Variants in VMP1 observed in about 807,000 individuals in gnomAD.
VMP1 encodes the protein vacuole membrane protein 1.
A neutral mutation model predicts 56.0 loss-of-function variants in VMP1; 11 were observed. The ratio of observed to expected loss-of-function variants is 0.20; its 90% CI spans 0.12 to 0.32. The LOEUF (loss-of-function observed/expected upper bound fraction) is 0.32. VMP1 is among the 10% of genes least tolerant of loss of function. VMP1 has a pLI of 1.00. For synonymous variants in VMP1, 149 were observed against 165.0 expected (o/e 0.90, Z 0.74); for missense variants, 296 against 490.3 (o/e 0.60, Z 3.74).
At chr17:59,762,725 T>G (rs538581198) in intron 5 of VMP1, among the ~76,000 whole-genome samples, 5 of 152,122 alleles carry the variant, frequency 3.3e-5, no homozygotes, top group Admixed American at 3.3e-4. Context: ...TTTAGTTGAG[T>G]GAATGAACAG....
At chr17:59,722,823 G>A (rs561431965) in intron 1 of VMP1, among the ~76,000 whole-genome samples, 2 of 152,314 alleles carry the variant, frequency 1.3e-5, no homozygotes, top group South Asian at 4.1e-4. Context: ...GGAGGTTGCA[G>A]TGAGCTGTGA....
chr17:59,840,545 A>AT lies in VMP1; in HGVS notation c.*635dup, dbSNP rs1264859378. On this transcript the variant is annotated 3_prime_UTR_variant, in exon 12 of 12. Coordinates refer to ENST00000262291, the MANE Select transcript of VMP1 (RefSeq NM_030938.5). ...CCATTTTTTATTCTGTGTATTTAGAATGAAGTCTTGAAAAAAACTTTATAA... is the reference window on the plus strand; with the variant it reads ...CCATTTTTTATTCTGTGTATTTAGAATTGAAGTCTTGAAAAAAACTTTATAA... 1 of 152,622 alleles carries AT rather than the reference A, an allele frequency of 6.6e-6. No individual in the cohort carries two copies. The highest frequency in any genetic ancestry group is 2.4e-5 in the African/African-American group (1 of 41,438). The allele number at this position is 152,622 out of a possible 1,614,324, so 9.5% of individuals were successfully genotyped here. A position where few individuals can be genotyped will look rare whatever the true frequency, so the allele number is the denominator to read the frequency against.
chr17:59,784,140 T>TGA (rs548784981), intron 7 of VMP1, among the ~76,000 whole-genome samples: 6,144 of 133,886 alleles, frequency 0.046, 138 homozygotes, highest in South Asian at 0.06. Flanking sequence ...TGTGTGTGTG[T>TGA]GTGAGAGAGA....
At chr17:59,837,001 A>G (rs928215791) in intron 10 of VMP1, among the ~76,000 whole-genome samples, 1 of 152,004 alleles carries the variant, frequency 6.6e-6, no homozygotes, top group African/African-American at 2.4e-5. Context: ...GGAGTTCAAG[A>G]CCAGCCTGGC....
chr17:59,716,493 G>C (rs2034156892), intron 1 of VMP1, among the ~76,000 whole-genome samples: 1 of 152,124 alleles, frequency 6.6e-6, no homozygotes, highest in Non-Finnish European at 1.5e-5. Flanking sequence ...ATTCCTCAGT[G>C]ACCACTGAAA....
intron 9 of VMP1, among the ~76,000 whole-genome samples, chr17:59,814,597 T>C (rs1279316566): frequency 6.6e-6 from 1 of 152,194 alleles, no homozygotes; most frequent in Admixed American, 6.5e-5. Context: ...AGTTATCTCA[T>C]GGCAGACAAT....
intron 1 of VMP1, among the ~76,000 whole-genome samples, chr17:59,711,093 TAAAAG>T (rs2143688153): frequency 6.9e-6 from 1 of 145,058 alleles, no homozygotes; most frequent in East Asian, 2.1e-4. Flanking sequence ...GAGAAGAAAA[TAAAAG>T]AAAAGCAGTA....
At chr17:59,795,916 A>G (rs998150618) in intron 7 of VMP1, among the ~76,000 whole-genome samples, 1 of 152,188 alleles carries the variant, frequency 6.6e-6, no homozygotes, top group Non-Finnish European at 1.5e-5. Flanking sequence ...ATCATTTTAC[A>G]GAAAAGATGA....
At chr17:59,732,545 ATTTG>A (rs1284776461) in intron 2 of VMP1, among the ~76,000 whole-genome samples, 2 of 121,080 alleles carry the variant, frequency 1.7e-5, no homozygotes, top group South Asian at 2.7e-4. Flanking sequence ...GCCCGGCCTC[ATTTG>A]TTTGTTAATC....
In VMP1 at chr17:59,731,473, C is replaced by T; in HGVS notation, c.27C>T (p.Asp9=). 1.3e-6 allele frequency: 2 copies of T among 1,592,272 alleles called. No individual in the cohort carries two copies. Among genetic ancestry groups the T allele is most frequent in the Non-Finnish European group, 1.7e-6 (2 of 1,172,462 alleles). The change falls in exon 2 of 12, where the codon GAC becomes GAT. Residue 9 remains aspartate (D), a synonymous_variant. Transcript: ENST00000262291. MAENGKNC[D]QRRVAMNKEH... is the part of the protein sequence containing the mutation. ...TGGCAGAGAATGGAAAAAATTGTGA[C>T]CAGAGACGTGTAGCAATGAACAAGG...
chr17:59,736,849 C>T (rs1295957255), intron 3 of VMP1, among the ~76,000 whole-genome samples: 3 of 140,490 alleles, frequency 2.1e-5, no homozygotes, highest in Non-Finnish European at 3.1e-5. Context: ...AAGACCAGCC[C>T]GGCCAACATA....
intron 2 of VMP1, among the ~76,000 whole-genome samples, chr17:59,733,106 C>G (rs935409119): frequency 1.3e-5 from 2 of 152,168 alleles, no homozygotes; most frequent in South Asian, 4.1e-4. Flanking sequence ...GTGAGAGTAT[C>G]GATTTAGCCC....
chr17:59,738,120 C>T (rs748042036), intron 4 of VMP1, among the ~76,000 whole-genome samples: 1 of 152,104 alleles, frequency 6.6e-6, no homozygotes, highest in African/African-American at 2.4e-5. Context: ...AGCATGAATC[C>T]GTTAATCACT....
intron 1 of VMP1, among the ~76,000 whole-genome samples, chr17:59,730,209 G>A (rs57739980): frequency 4.6e-5 from 7 of 151,998 alleles, no homozygotes; most frequent in African/African-American, 9.7e-5. Context: ...CCCGATACAC[G>A]CTTCTTATGA....
At chr17:59,837,076 G>A (rs944348329) in intron 10 of VMP1, among the ~76,000 whole-genome samples, 1 of 151,790 alleles carries the variant, frequency 6.6e-6, no homozygotes, top group African/African-American at 2.4e-5. Context: ...GGTGACAAGC[G>A]CCTGTAATCC....
chr17:59,839,970 G>A lies in VMP1; in HGVS notation c.*59G>A. ...GGATGGGTTCTGCCTTAAATTGGGAGGACTCCAAGCCGGGAAGGAAAATTC... is the reference window on the plus strand; with the variant it reads ...GGATGGGTTCTGCCTTAAATTGGGAAGACTCCAAGCCGGGAAGGAAAATTC... On this transcript the variant is annotated 3_prime_UTR_variant, in exon 12 of 12. Coordinates refer to ENST00000262291, the MANE Select transcript of VMP1 (RefSeq NM_030938.5). The A allele has an allele frequency of 2.5e-6, 4 of 1,576,642 alleles. No individual in the cohort carries two copies. In the South Asian group the frequency reaches 4.7e-5, roughly 19 times the overall value.
In VMP1 at chr17:59,738,896, T is replaced by A. The variant is rs1476876148; in HGVS notation, c.363T>A (p.Ile121=). ...LLYAYWIGLG[I]LSSVGLGTGL... ...ATGCCTACTGGATAGGCTTAGGAAT[T>A]TTGTCTTCTGTTGGGCTTGGAACAG... Residue 121 remains isoleucine (I), a synonymous_variant, in exon 5 of 12, where the codon ATT becomes ATA. Coordinates refer to ENST00000262291, the MANE Select transcript of VMP1 (RefSeq NM_030938.5). 2 of 1,613,222 alleles carry A rather than the reference T, an allele frequency of 1.2e-6. No homozygotes were observed. The highest frequency in any genetic ancestry group is 3.3e-5 in the Admixed American group (2 of 59,852).
At chr17:59,710,841 C>T (rs1016833866) in intron 1 of VMP1, among the ~76,000 whole-genome samples, 4 of 152,012 alleles carry the variant, frequency 2.6e-5, no homozygotes, top group African/African-American at 9.7e-5. Flanking sequence ...GAGGCCGAGG[C>T]GGGAAGATCA....
At chr17:59,717,138 C>G (rs2034190130) in intron 1 of VMP1, among the ~76,000 whole-genome samples, 1 of 152,122 alleles carries the variant, frequency 6.6e-6, no homozygotes. Context: ...CACCACCACG[C>G]CCGGCTAATT....
Sources: gnomAD v4.1 joint callset for allele counts (sites outside exome capture counted in the v4.1 genomes callset) on GRCh38, gnomAD v4.1.1 for gene constraint, MANE v1.5 for transcripts, NCBI Gene and HGNC (gene_info 2026-07-23, HGNC 2026-07-21) for gene names.